Variants in GPC1 observed in about 807,000 individuals in gnomAD.
GPC1 encodes the protein glypican-1.
In GPC1, 26 loss-of-function variants were observed where a neutral mutation model predicts 51.5. The ratio of observed to expected loss-of-function variants is 0.50; its 90% confidence interval spans 0.37 to 0.70. The LOEUF is 0.70. GPC1 is among the 30% of genes least tolerant of loss of function. The pLI is 0.00. For missense variants in GPC1, 775 were observed against 800.5 expected (o/e 0.97, Z 0.38); for synonymous variants, 380 against 348.3 (o/e 1.09, Z -1.01).
chr2:240,461,553 C>T (rs2074216110), intron 2 of GPC1, among the ~76,000 whole-genome samples: 1 of 152,158 alleles, frequency 6.6e-6, no homozygotes, highest in Non-Finnish European at 1.5e-5. Context: ...TCCACACCCC[C>T]TGCCCAGCAG....
chr2:240,455,100 G>T, intron 1 of GPC1: 1 of 166,778 alleles, frequency 6.0e-6, no homozygotes. Flanking sequence ...ATCGGGAGGG[G>T]GAAGATGGAA....
In GPC1 at chr2:240,459,060, A is replaced by G; in HGVS notation, c.197A>G (p.Tyr66Cys). The G allele has an allele frequency of 6.2e-7, 1 of 1,612,768 alleles. No individual in the cohort carries two copies. Among genetic ancestry groups the G allele is most frequent in the Non-Finnish European group, 8.5e-7 (1 of 1,179,862 alleles). The change falls in exon 2 of 9, where the codon TAC (tyrosine) becomes TGC (cysteine). Residue 66 changes from tyrosine (Y) to cysteine (C), a missense_variant. Coordinates refer to ENST00000264039, the MANE Select transcript of GPC1 (RefSeq NM_002081.3). ...CACCTGCGGATCTGTCCCCAGGGCT[A>G]CACCTGCTGCACCAGCGAGATGGAG... is the stretch of plus-strand genomic sequence containing the variant. ...GEHLRICPQG[Y>C]TCCTSEMEEN...
At chr2:240,459,832 C>T (rs2074201964) in intron 2 of GPC1, among the ~76,000 whole-genome samples, 1 of 152,152 alleles carries the variant, frequency 6.6e-6, no homozygotes, top group Non-Finnish European at 1.5e-5. Flanking sequence ...CCCAGGGGGA[C>T]AGTGTGGGGT....
chr2:240,463,859 CAT>C (rs1442315159), intron 4 of GPC1: 9 of 322,400 alleles, frequency 2.8e-5, no homozygotes, highest in Non-Finnish European at 1.7e-5. Context: ...TGCACCGTCA[CAT>C]GACAGGCTGA....
rs764217677 is a variant in GPC1 at position 240,463,344 on chromosome 2, C to T, written c.718-3C>T. 2.5e-6 allele frequency: 4 copies of T among 1,612,222 alleles called. No individual in the cohort carries two copies. The African/African-American group carries it at 4.0e-5, about 16-fold the overall frequency. ...GCCTGGCTTAGGGTCCCTTGCTCCC[C>T]AGGTCCCCCTGGGCCCGGAGTGCTC... On this transcript the variant is annotated splice_region_variant and splice_polypyrimidine_tract_variant and intron_variant, in intron 3 of 8. Transcript: ENST00000264039.
chr2:240,454,207 C>T (rs1251410935), intron 1 of GPC1, among the ~76,000 whole-genome samples: 1 of 152,200 alleles, frequency 6.6e-6, no homozygotes, highest in Non-Finnish European at 1.5e-5. Context: ...CTGCCTCTGG[C>T]TCAGACGTCA....
At chr2:240,444,241 G>A (rs1300418888) in intron 1 of GPC1, among the ~76,000 whole-genome samples, 1 of 152,232 alleles carries the variant, frequency 6.6e-6, no homozygotes, top group Admixed American at 6.5e-5. Context: ...CCACATGCCC[G>A]CCTGCTGTCC....
intron 1 of GPC1, 29 bp downstream of exon 1, chr2:240,436,113 G>A: frequency 3.2e-6 from 4 of 1,245,850 alleles, no homozygotes; most frequent in Non-Finnish European, 4.0e-6. Context: ...CCGGGAACCC[G>A]GGCCTGGCCG....
intron 1 of GPC1, among the ~76,000 whole-genome samples, chr2:240,437,623 G>A (rs2073992298): frequency 6.6e-6 from 1 of 152,170 alleles, no homozygotes; most frequent in African/African-American, 2.4e-5. Context: ...AAGGCCCTCG[G>A]CACAGTTGGG....
intron 1 of GPC1, among the ~76,000 whole-genome samples, chr2:240,445,243 A>G (rs1456200462): frequency 1.3e-5 from 2 of 152,042 alleles, no homozygotes; most frequent in Non-Finnish European, 2.9e-5. Context: ...CCTGTGGGCA[A>G]TTTGGGGTGA....
intron 7 of GPC1, 44 bp from the exon 8 acceptor site, chr2:240,465,429 A>C: frequency 6.3e-7 from 1 of 1,584,364 alleles, no homozygotes; most frequent in Non-Finnish European, 8.6e-7. Context: ...GGCCCTTTGC[A>C]GGGGCTGGAG....
chr2:240,460,024 G>A (rs570309064), intron 2 of GPC1, among the ~76,000 whole-genome samples: 3 of 152,180 alleles, frequency 2.0e-5, no homozygotes, highest in Admixed American at 6.5e-5. Context: ...TGTGAGGGAC[G>A]GCAGCTGCTG....
intron 1 of GPC1, among the ~76,000 whole-genome samples, chr2:240,453,818 A>C (rs1458697495): frequency 9.2e-5 from 14 of 151,918 alleles, no homozygotes; most frequent in African/African-American, 3.4e-4. Flanking sequence ...CGGGACCCCC[A>C]GGGCGGCGAC....
chr2:240,442,703 T>C (rs2074026216), intron 1 of GPC1, among the ~76,000 whole-genome samples: 1 of 151,820 alleles, frequency 6.6e-6, no homozygotes, highest in South Asian at 2.1e-4. Context: ...GCCATGTGGG[T>C]TTTGGGGGTA....
chr2:240,442,571 C>T (rs1294626664), intron 1 of GPC1: 1 of 152,370 alleles, frequency 6.6e-6, no homozygotes, highest in Non-Finnish European at 1.5e-5. Flanking sequence ...CGAATTCCCC[C>T]TCTTCACAAG....
chr2:240,467,361 A>G lies in GPC1; in HGVS notation c.*1071A>G, dbSNP rs1330887968. On this transcript the variant is annotated 3_prime_UTR_variant, in exon 9 of 9. Transcript: ENST00000264039. ...CCTGGATAGTTAAGGGCTTTTCCAA[A>G]CATGCATCCATTTACTGACACTTCC... 1.3e-5 allele frequency: 2 copies of G among 152,262 alleles called. No homozygotes were observed. The highest frequency in any genetic ancestry group is 4.8e-5 in the African/African-American group (2 of 41,454). 9.4% of individuals were successfully genotyped at this position (152,262 alleles called of 1,614,324 possible).
rs1349106157 is a variant in GPC1, at chr2:240,453,476, C to T, written c.167-5554C>T. On this transcript the variant is annotated intron_variant, in intron 1 of 8. Transcript: ENST00000264039. ...CGCTCCCGCATCGCCTGCCGCCGCC[C>T]CGGGGCCCCCCTTCCTCTTCCGCCA... 2.1e-5 allele frequency among the ~76,000 whole-genome samples: 3 copies of T among 141,176 alleles called. No individual in the cohort carries two copies. The East Asian group carries it at 6.5e-4, about 31-fold the overall frequency. 92.6% of individuals were successfully genotyped at this position (141,176 alleles called of 152,430 possible). A position where few individuals can be genotyped will look rare whatever the true frequency, so the allele number is the denominator to read the frequency against.
intron 1 of GPC1, chr2:240,449,931 GT>G (rs1050841614): frequency 5.7e-5 from 27 of 469,730 alleles, no homozygotes; most frequent in African/African-American, 5.2e-4. Context: ...CCTACAGACA[GT>G]TTGTGGAAAC....
intron 1 of GPC1, among the ~76,000 whole-genome samples, chr2:240,453,260 T>C (rs1469958580): frequency 3.6e-5 from 1 of 27,510 alleles, no homozygotes; most frequent in Non-Finnish European, 7.0e-5. Flanking sequence ...TCGCCCCAGC[T>C]GCACCTACCC....
Sources: gnomAD v4.1 joint callset for allele counts (sites outside exome capture counted in the v4.1 genomes callset) on GRCh38, gnomAD v4.1.1 for gene constraint, MANE v1.5 for transcripts, NCBI Gene and HGNC (gene_info 2026-07-23, HGNC 2026-07-21) for gene names.